The following CSMD2 variants were observed in gnomAD, a reference collection of about 807,000 sequenced individuals.
CSMD2 encodes the protein CUB and Sushi multiple domains 2, also known as CUB and sushi domain-containing protein 2.
A neutral mutation model predicts 398.5 loss-of-function variants in CSMD2; 130 were observed. The observed-to-expected ratio is 0.33, with a 90% CI of 0.28 to 0.38. The LOEUF is 0.38. Among genes scored for constraint, CSMD2 ranks in the 10% least tolerant of loss-of-function variants. The pLI is 1.00. For synonymous variants in CSMD2, 1,828 were observed against 1,908.5 expected, an observed-to-expected ratio of 0.96 and a Z score of 1.10; for missense variants, 3,829 against 4,764.9, an observed-to-expected ratio of 0.80 and a Z score of 5.78.
intron 1 of CSMD2, among the ~76,000 whole-genome samples, chr1:34,162,966 G>A (rs1641491852): frequency 2.6e-5 from 4 of 152,154 alleles, no homozygotes; most frequent in Admixed American, 2.6e-4. Context: ...ATGAACACAA[G>A]GCCCCCTCCC....
intron 4 of CSMD2, among the ~76,000 whole-genome samples, chr1:33,934,841 A>G (rs1382867253): frequency 1.3e-5 from 2 of 150,210 alleles, no homozygotes; most frequent in African/African-American, 4.9e-5. Context: ...ATGAAAAAAA[A>G]AAAAAAAAAA....
At chr1:33,961,843 G>A (rs557952763) in intron 3 of CSMD2, among the ~76,000 whole-genome samples, 1 of 152,258 alleles carries the variant, frequency 6.6e-6, no homozygotes, top group East Asian at 1.9e-4. Context: ...AGCAGATGCT[G>A]GCACTATGCT....
intron 64 of CSMD2, among the ~76,000 whole-genome samples, chr1:33,532,089 A>G (rs1038333895): frequency 2.0e-5 from 3 of 152,242 alleles, no homozygotes; most frequent in African/African-American, 7.2e-5. Context: ...AGTAAGTTCT[A>G]GCTCTGATAT....
Position 33,911,584 on chromosome 1 carries a change from G to A in CSMD2, c.920+6510C>T, listed in dbSNP as rs184206834. On this transcript the variant is annotated intron_variant, in intron 5 of 70. Coordinates refer to ENST00000373381, the MANE Select transcript of CSMD2 (RefSeq NM_001281956.2). ...GAAGGGAATGAAGTGAAGCAAATCC[G>A]TCAAAGCTCTAAGGACATGAAAAGG... Among the ~76,000 whole-genome samples the A allele has an allele frequency of 1.3e-3, 194 of 152,270 alleles. 1 individual carries two copies. The highest frequency in any genetic ancestry group is 4.3e-3 in the African/African-American group (178 of 41,546).
chr1:33,861,701 AG>A lies in CSMD2; in HGVS notation c.921-14706del, dbSNP rs35416654. On this transcript the variant is annotated intron_variant, in intron 5 of 70. Coordinates refer to ENST00000373381, the MANE Select transcript of CSMD2 (RefSeq NM_001281956.2). The stretch of plus-strand genomic sequence containing the variant: ...GCCACTCAAATTAAAATGATTGGTG[AG>A]GGCAGAGTGTGGGAAAGTAGCAGAG... Among the ~76,000 whole-genome samples the A allele has an allele frequency of 5.0e-3, 769 of 152,310 alleles. 4 individuals carry two copies. Among genetic ancestry groups the A allele is most frequent in the Non-Finnish European group, 7.3e-3 (499 of 68,020 alleles).
intron 19 of CSMD2, among the ~76,000 whole-genome samples, chr1:33,720,942 C>T (rs1335522985): frequency 6.6e-6 from 1 of 152,204 alleles, no homozygotes; most frequent in Non-Finnish European, 1.5e-5. Flanking sequence ...CTCAGGTGAT[C>T]TGCCTGCCTT....
intron 13 of CSMD2, among the ~76,000 whole-genome samples, chr1:33,758,122 C>T (rs2149292893): frequency 6.6e-6 from 1 of 152,194 alleles, no homozygotes; most frequent in East Asian, 1.9e-4. Flanking sequence ...TTTTATTTTT[C>T]CACTCTCCCC....
At chr1:33,554,627 C>T (rs961349173) in intron 55 of CSMD2, among the ~76,000 whole-genome samples, 13 of 152,140 alleles carry the variant, frequency 8.5e-5, no homozygotes, top group African/African-American at 2.7e-4. Context: ...AGCCAATGCT[C>T]ATTTACCCAT....
chr1:33,810,949 C>T, intron 9 of CSMD2, 85 bp from the exon 10 acceptor site: 1 of 1,485,868 alleles, frequency 6.7e-7, no homozygotes, highest in Non-Finnish European at 9.3e-7. Context: ...CCAGAAGACA[C>T]TGCATCTGTA....
At chr1:33,648,671 T>C (rs916499675) in intron 28 of CSMD2, among the ~76,000 whole-genome samples, 3 of 152,210 alleles carry the variant, frequency 2.0e-5, no homozygotes, top group East Asian at 1.9e-4. Context: ...GAAAGTTAGC[T>C]AAAGCTTTAG....
intron 3 of CSMD2, among the ~76,000 whole-genome samples, chr1:34,024,222 T>C (rs548771585): frequency 1.4e-4 from 21 of 152,338 alleles, no homozygotes; most frequent in Admixed American, 9.2e-4. Context: ...TTGGGACTGA[T>C]ATATAGCAGG....
intron 3 of CSMD2, among the ~76,000 whole-genome samples, chr1:34,018,270 A>G (rs1441916969): frequency 1.3e-5 from 2 of 152,242 alleles, no homozygotes; most frequent in Non-Finnish European, 2.9e-5. Flanking sequence ...TAGATCTACC[A>G]TAATTTGCCT....
chr1:33,689,786 T>C (rs1174617768), intron 25 of CSMD2, among the ~76,000 whole-genome samples: 1 of 152,168 alleles, frequency 6.6e-6, no homozygotes, highest in Non-Finnish European at 1.5e-5. Flanking sequence ...GACAGTGTAC[T>C]TTCCAGCAGC....
intron 3 of CSMD2, among the ~76,000 whole-genome samples, chr1:34,029,974 A>C (rs941379208): frequency 1.3e-5 from 2 of 152,160 alleles, no homozygotes; most frequent in Non-Finnish European, 2.9e-5. Context: ...GGGAGGAGGG[A>C]TCCACTGGCC....
intron 10 of CSMD2, among the ~76,000 whole-genome samples, chr1:33,805,493 T>C (rs963909504): frequency 1.3e-5 from 2 of 152,176 alleles, no homozygotes; most frequent in African/African-American, 4.8e-5. Flanking sequence ...AATTTTAAAA[T>C]GACAAAATAA....
chr1:34,022,750 C>T (rs1218430809), intron 3 of CSMD2, among the ~76,000 whole-genome samples: 4 of 152,068 alleles, frequency 2.6e-5, no homozygotes, highest in African/African-American at 7.2e-5. Context: ...GGGCTCATGC[C>T]GGAGGTTTTG....
At chr1:33,941,190 T>C (rs963505146) in intron 3 of CSMD2, among the ~76,000 whole-genome samples, 5 of 152,240 alleles carry the variant, frequency 3.3e-5, no homozygotes, top group African/African-American at 4.8e-5. Context: ...AATTTTTGTC[T>C]CTTCTACAAA....
At chr1:33,972,441 A>T (rs577383621) in intron 3 of CSMD2, among the ~76,000 whole-genome samples, 1 of 152,186 alleles carries the variant, frequency 6.6e-6, no homozygotes, top group East Asian at 1.9e-4. Flanking sequence ...TTTACATGGC[A>T]AAAGAGACTA....
chr1:34,164,395 G>C lies in CSMD2; in HGVS notation c.187+516C>G, dbSNP rs1291777905. Reference sequence around the variant, plus strand: ...CAGTCTGCAGTCGGTTCCAGAGGGGGCACCGGTTTCAATTGGAGAAAATGG... The same window carrying C: ...CAGTCTGCAGTCGGTTCCAGAGGGGCCACCGGTTTCAATTGGAGAAAATGG... On this transcript the variant is annotated intron_variant, in intron 1 of 70. Transcript: ENST00000373381. This position sits in a 1 kb window ranked among gnomAD's most constrained non-coding sequence, Gnocchi z 6.2. 6.6e-6 allele frequency among the ~76,000 whole-genome samples: 1 copy of C among 152,070 alleles called. No homozygotes were observed. The highest frequency in any genetic ancestry group is 1.5e-5 in the Non-Finnish European group (1 of 67,990).
Sources: allele counts gnomAD v4.1 joint callset (sites outside exome capture counted in the v4.1 genomes callset), GRCh38; gene constraint gnomAD v4.1.1; non-coding constraint Gnocchi (gnomAD v3.1); transcripts MANE v1.5; gene names NCBI Gene and HGNC (gene_info 2026-07-23, HGNC 2026-07-21).